The following DAB2IP variants were observed in gnomAD, a reference collection of about 807,000 sequenced individuals.
DAB2IP encodes the protein DAB2 interacting protein.
A neutral mutation model predicts 107.2 loss-of-function variants in DAB2IP; 28 were observed. That is an observed-to-expected ratio of 0.26 (90% CI 0.19 to 0.36). The LOEUF is 0.36. Ranked by LOEUF, DAB2IP falls within the 10% of genes least tolerant of loss-of-function variation. The probability of loss-of-function intolerance (pLI) is 1.00; values close to 1 mark genes in which losing one functional copy is unlikely to be tolerated. For missense variants in DAB2IP, 1,400 were observed against 1,644.7 expected, an observed-to-expected ratio of 0.85 and a Z score of 2.57; for synonymous variants, 755 against 706.4, an observed-to-expected ratio of 1.07 and a Z score of -1.09.
At chr9:121,643,358 C>T (rs892795625) in intron 1 of DAB2IP, among the ~76,000 whole-genome samples, 6 of 152,012 alleles carry the variant, frequency 3.9e-5, no homozygotes, top group African/African-American at 9.7e-5. Flanking sequence ...AAATCTAAGC[C>T]TCAAGCCCAG....
intron 1 of DAB2IP, among the ~76,000 whole-genome samples, chr9:121,573,161 C>T (rs1383985876): frequency 2.0e-5 from 3 of 152,152 alleles, no homozygotes; most frequent in African/African-American, 4.8e-5. Context: ...ACTCCAACCT[C>T]TGCCTCCTGG....
intron 1 of DAB2IP, among the ~76,000 whole-genome samples, chr9:121,668,635 T>C (rs1312924382): frequency 1.3e-5 from 2 of 152,238 alleles, no homozygotes; most frequent in Non-Finnish European, 1.5e-5. Flanking sequence ...GAGTACAATT[T>C]GTGCTGAGTC....
rs1833253843 is a variant in DAB2IP, at chr9:121,662,569, A to G, written c.124+10670A>G. The stretch of plus-strand genomic sequence containing the variant: ...GAGTTGAATAGCTGAGACAGAGACC[A>G]TATGGACTTGTAAGCCTGAAATATT... On this transcript the variant is annotated intron_variant, in intron 1 of 15. Transcript: ENST00000408936. The surrounding 1 kb of genome is among the most constrained non-coding windows in gnomAD (Gnocchi z 4.6). Among the ~76,000 whole-genome samples the G allele has an allele frequency of 6.6e-6, 1 of 152,256 alleles. No individual in the cohort carries two copies. The highest frequency in any genetic ancestry group is 1.5e-5 in the Non-Finnish European group (1 of 68,044).
At position 121,775,774 on chromosome 9, in the gene DAB2IP, A is replaced by G. The variant is rs183321709; in HGVS notation, c.3121-424A>G. Among the ~76,000 whole-genome samples the G allele has an allele frequency of 2.2e-4, 33 of 152,286 alleles. 1 individual carries two copies. In the East Asian group the frequency reaches 6.2e-3, roughly 29 times the overall value. On this transcript the variant is annotated intron_variant, in intron 13 of 15. Transcript: ENST00000408936. ...TTACCCTGCTAGTCAGTCGCTCTTC[A>G]TGTGACATGGTCACCTTGTCTGGGC...
rs551168251 is a variant in DAB2IP, at chr9:121,662,628, G to A, written c.124+10729G>A. Among the ~76,000 whole-genome samples, 1 of 152,270 alleles carries A rather than the reference G, an allele frequency of 6.6e-6. No individual in the cohort carries two copies. The highest frequency in any genetic ancestry group is 2.1e-4 in the South Asian group (1 of 4,814). On this transcript the variant is annotated intron_variant, in intron 1 of 15. Coordinates refer to ENST00000408936, the Ensembl canonical transcript of DAB2IP. This position sits in a 1 kb window ranked among gnomAD's most constrained non-coding sequence, Gnocchi z 4.6. ...GGCCTTTTATGGAAAGTTTGCTGAC[G>A]CCCAAGATACAGCTAAAGCCACCTA...
At chr9:121,745,825 C>T (rs148319512) in intron 3 of DAB2IP, among the ~76,000 whole-genome samples, 31 of 152,338 alleles carry the variant, frequency 2.0e-4, no homozygotes, top group African/African-American at 7.0e-4. Context: ...TGAGCTCAAG[C>T]TGCCAACAAG....
At chr9:121,748,933 C>T (rs922787206) in intron 3 of DAB2IP, among the ~76,000 whole-genome samples, 3 of 152,172 alleles carry the variant, frequency 2.0e-5, no homozygotes, top group Admixed American at 6.5e-5. Context: ...TGTATGGGGG[C>T]GTCACAACTG....
chr9:121,717,349 A>G (rs1830662101), intron 3 of DAB2IP, among the ~76,000 whole-genome samples: 1 of 152,198 alleles, frequency 6.6e-6, no homozygotes, highest in South Asian at 2.1e-4. Flanking sequence ...AGCTAGCTAA[A>G]AGCCACTCAT....
At chr9:121,703,862 T>C (rs1211254972) in intron 3 of DAB2IP, among the ~76,000 whole-genome samples, 2 of 152,104 alleles carry the variant, frequency 1.3e-5, no homozygotes, top group African/African-American at 4.8e-5. Context: ...AGATAATAGA[T>C]GTTGCTGTGC....
At position 121,608,926 on chromosome 9, in the gene DAB2IP, TTTTG is replaced by T. The variant is rs532891232; in HGVS notation, c.40+41726_40+41729del. On this transcript the variant is annotated intron_variant, in intron 1 of 16. Transcript: ENST00000259371. ...ACTAGGTTTCTCGGCTTTTTCTAGTTTTTGTTTGTTTGTTTGTTTGTTTGTTTGT... is the reference window on the plus strand; with the variant it reads ...ACTAGGTTTCTCGGCTTTTTCTAGTTTTTGTTTGTTTGTTTGTTTGTTTGT... 9.6e-3 allele frequency among the ~76,000 whole-genome samples: 1,454 copies of T among 152,012 alleles called. 15 individuals are homozygous for T. Among genetic ancestry groups the T allele is most frequent in the Middle Eastern group, 0.017 (5 of 294 alleles).
chr9:121,770,692 G>C, exon 11 of DAB2IP: 1 of 1,614,144 alleles, frequency 6.2e-7, no homozygotes, highest in East Asian at 2.2e-5. Flanking sequence ...CAGCTGGGCT[G>C]CAGAAGATGG....
At chr9:121,743,785 A>C (rs1376608738) in intron 3 of DAB2IP, among the ~76,000 whole-genome samples, 1 of 152,216 alleles carries the variant, frequency 6.6e-6, no homozygotes, top group African/African-American at 2.4e-5. Context: ...CCCAGAGCCC[A>C]GGGAGACCTG....
In DAB2IP at chr9:121,676,210, C is replaced by G. The variant is rs561448237; in HGVS notation, c.125-2468C>G. Among the ~76,000 whole-genome samples, 4 of 152,338 alleles carry G rather than the reference C, an allele frequency of 2.6e-5. No individual in the cohort carries two copies. In the South Asian group the frequency reaches 8.3e-4, roughly 32 times the overall value. Reference sequence around the variant, plus strand: ...CCATGAGCCAAGGCTCAGGATGAAGCCTGTGCTTCTGTGGACTCCTGTCCA... The same window carrying G: ...CCATGAGCCAAGGCTCAGGATGAAGGCTGTGCTTCTGTGGACTCCTGTCCA... On this transcript the variant is annotated intron_variant, in intron 1 of 15. Transcript: ENST00000408936.
At position 121,633,245 on chromosome 9, in the gene DAB2IP, G is replaced by T. The variant is rs1831959132; in HGVS notation, c.41-45433G>T. Among the ~76,000 whole-genome samples, 1 of 152,092 alleles carries T rather than the reference G, an allele frequency of 6.6e-6. No individual in the cohort carries two copies. The highest frequency in any genetic ancestry group is 1.5e-5 in the Non-Finnish European group (1 of 68,014). On this transcript the variant is annotated intron_variant, in intron 1 of 16. Transcript: ENST00000259371. The surrounding 1 kb of genome is among the most constrained non-coding windows in gnomAD (Gnocchi z 5.1). ...TACAATAAACGCAGCTTCTAAATTG[G>T]GTCAGGGAAGCCTTCGAGGCCCAGA...
intron 13 of DAB2IP, 94 bp downstream of exon 13, chr9:121,774,506 G>A (rs1835046905): frequency 2.9e-5 from 41 of 1,398,838 alleles, no homozygotes; most frequent in Non-Finnish European, 3.6e-5. Flanking sequence ...AGCAACGGGT[G>A]CTGCTGTCCT....
intron 1 of DAB2IP, among the ~76,000 whole-genome samples, chr9:121,674,458 A>G (rs1833805969): frequency 6.6e-6 from 1 of 152,042 alleles, no homozygotes; most frequent in South Asian, 2.1e-4. Context: ...GTCAGGGAGG[A>G]GAGCCAGCCG....
intron 3 of DAB2IP, among the ~76,000 whole-genome samples, chr9:121,744,960 G>A (rs1428440149): frequency 6.6e-6 from 1 of 152,202 alleles, no homozygotes; most frequent in African/African-American, 2.4e-5. Context: ...AAGCAGGGCT[G>A]GCATGGCTGG....
chr9:121,772,411 T>TGCTCCCTAAAG lies in DAB2IP; in HGVS notation c.2079-194_2079-193insTCCCTAAAGGC, dbSNP rs1834828867. Among the ~76,000 whole-genome samples, 1 of 152,088 alleles carries TGCTCCCTAAAG rather than the reference T, an allele frequency of 6.6e-6. No homozygotes were observed. On this transcript the variant is annotated intron_variant, in intron 11 of 15. Coordinates refer to ENST00000408936, the Ensembl canonical transcript of DAB2IP. The surrounding 1 kb of genome is among the most constrained non-coding windows in gnomAD (Gnocchi z 4.7). ...GCTGGCCCCTAAAGAAGAGGTTCTGTGCAGGAGCAGCCGCCTCAGCCTCTG... is the reference window on the plus strand; with the variant it reads ...GCTGGCCCCTAAAGAAGAGGTTCTGTGCTCCCTAAAGGCAGGAGCAGCCGCCTCAGCCTCTG...
chr9:121,686,020 G>A (rs1233675649), intron 2 of DAB2IP, among the ~76,000 whole-genome samples: 1 of 152,172 alleles, frequency 6.6e-6, no homozygotes. Flanking sequence ...GGTGAGGTGG[G>A]CCAGAGTAGG....
Sources: allele counts gnomAD v4.1 joint callset (sites outside exome capture counted in the v4.1 genomes callset), GRCh38; gene constraint gnomAD v4.1.1; non-coding constraint Gnocchi (gnomAD v3.1); transcripts MANE v1.5; gene names NCBI Gene and HGNC (gene_info 2026-07-23, HGNC 2026-07-21).